Variants in PRDM13 observed in about 807,000 individuals in gnomAD.
PRDM13 encodes the protein PR/SET domain 13, also known as PR domain zinc finger protein 13.
PRDM13 carries 15 observed loss-of-function variants against 36.4 expected under a neutral mutation model. The observed-to-expected ratio is 0.41, with a 90% CI of 0.28 to 0.64. The LOEUF is 0.64. Among genes scored for constraint, PRDM13 ranks in the 30% least tolerant of loss-of-function variants. PRDM13 has a pLI of 0.29. For synonymous variants in PRDM13, 531 were observed against 467.7 expected, an observed-to-expected ratio of 1.14 and a Z score of -1.75; for missense variants, 1,044 against 1,013.5, an observed-to-expected ratio of 1.03 and a Z score of -0.41.
In PRDM13 at chr6:99,614,558, C is replaced by A. The variant is rs1770100486; in HGVS notation, c.1923C>A (p.Arg641=). Residue 641 remains arginine, a synonymous_variant, in exon 4 of 4, where the codon CGC becomes CGA. Coordinates refer to ENST00000369215, the MANE Select transcript of PRDM13 (RefSeq NM_021620.4). ...RCEFCGKVLV[R]RRDLERHVKS... is the part of the protein sequence containing the mutation. ...AGTTCTGCGGCAAGGTACTTGTGCG[C>A]CGCCGGGACCTGGAGCGACATGTCA... The A allele has an allele frequency of 1.1e-5, 18 of 1,612,846 alleles. No homozygotes were observed. The highest frequency in any genetic ancestry group is 1.5e-5 in the Non-Finnish European group (18 of 1,179,894).
chr6:99,614,728 A>C lies in PRDM13; in HGVS notation c.2093A>C (p.Glu698Ala). 1 of 1,584,760 alleles carries C rather than the reference A, an allele frequency of 6.3e-7. No homozygotes were observed. Among genetic ancestry groups the C allele is most frequent in the Middle Eastern group, 1.7e-4 (1 of 5,898 alleles). ...TTCACAGACGACCAGAGCGACCCCG[A>C]GGTTGGGGGCGGCGGGGAGCGCGAC... ...VCFTDDQSDP[E>A]VGGGGERDL Residue 698 changes from glutamate (E) to alanine (A), a missense_variant, in exon 4 of 4, where the codon GAG (glutamate) becomes GCG (alanine). Glu to Ala is a moderately radical substitution (Grantham distance 107, BLOSUM62 -1). This residue lies in a region of PRDM13 where 115 missense variants were observed against 122.1 expected (regional missense o/e 0.94). Coordinates refer to ENST00000369215, the MANE Select transcript of PRDM13 (RefSeq NM_021620.4).
In PRDM13 at chr6:99,613,876, C is replaced by A; in HGVS notation, c.1241C>A (p.Ala414Glu). The A allele has an allele frequency of 6.6e-7, 1 of 1,526,036 alleles. No individual in the cohort carries two copies. Among genetic ancestry groups the A allele is most frequent in the Non-Finnish European group, 8.7e-7 (1 of 1,144,670 alleles). The allele number at this position is 1,526,036 out of a possible 1,614,324, so 94.5% of individuals were successfully genotyped here. A position where few individuals can be genotyped will look rare whatever the true frequency, so the allele number is the denominator to read the frequency against. The change falls in exon 4 of 4, where the codon GCG becomes GAG. Residue 414 changes from alanine to glutamate, a missense_variant. Coordinates refer to ENST00000369215, the MANE Select transcript of PRDM13 (RefSeq NM_021620.4). The surrounding 1 kb of genome is among the most constrained non-coding windows in gnomAD (Gnocchi z 6.1). ...HVERAPPAAAALPGARYAQLP... is the reference protein window; with the variant it reads ...HVERAPPAAAELPGARYAQLP... ...GAGCGCGCCCCGCCCGCAGCCGCCGCGCTGCCAGGAGCGCGTTATGCGCAG... is the reference window on the plus strand; with the variant it reads ...GAGCGCGCCCCGCCCGCAGCCGCCGAGCTGCCAGGAGCGCGTTATGCGCAG...
rs747566632 is a variant in PRDM13, at chr6:99,614,791, C to T, written c.*32C>T. ...TTCCCGGGAAGGGGCGGGGTGAGGA[C>T]AGAGAGGAGTCGAGGGTTTATTCTC... On this transcript the variant is annotated 3_prime_UTR_variant, in exon 4 of 4. Transcript: ENST00000369215. 2.9e-5 allele frequency: 44 copies of T among 1,533,132 alleles called. No individual in the cohort carries two copies. Among genetic ancestry groups the T allele is most frequent in the Non-Finnish European group, 3.7e-5 (42 of 1,143,162 alleles). 95.0% of individuals were successfully genotyped at this position (1,533,132 alleles called of 1,614,324 possible). A position where few individuals can be genotyped will look rare whatever the true frequency, so the allele number is the denominator to read the frequency against.
At chr6:99,611,190 ATCC>A (rs1348944510) in intron 3 of PRDM13, among the ~76,000 whole-genome samples, 1 of 152,210 alleles carries the variant, frequency 6.6e-6, no homozygotes, top group Non-Finnish European at 1.5e-5. Flanking sequence ...GATGGCTGCT[ATCC>A]TCCTAATACT....
chr6:99,609,345 C>T (rs1583614357), intron 3 of PRDM13, 38 bp downstream of exon 3: 1 of 1,604,618 alleles, frequency 6.2e-7, no homozygotes, highest in Non-Finnish European at 8.5e-7. Flanking sequence ...AAAAGTCCAG[C>T]CCTCCTCCTC....
At chr6:99,609,962 G>C (rs1770009386) in intron 3 of PRDM13, among the ~76,000 whole-genome samples, 1 of 152,154 alleles carries the variant, frequency 6.6e-6, no homozygotes, top group South Asian at 2.1e-4. Flanking sequence ...GAGTTCCACA[G>C]AGTATAACTC....
rs1370488589 is a variant in PRDM13, at chr6:99,615,319, T to C, written c.*560T>C. Reference sequence around the variant, plus strand: ...ACTACTCCTTGCCCCATTGAATATATAGTGGTAGCAGGTGTACAAATTGGT... The same window carrying C: ...ACTACTCCTTGCCCCATTGAATATACAGTGGTAGCAGGTGTACAAATTGGT... On this transcript the variant is annotated 3_prime_UTR_variant, in exon 4 of 4. Coordinates refer to ENST00000369215, the MANE Select transcript of PRDM13 (RefSeq NM_021620.4). The C allele has an allele frequency of 2.0e-5, 3 of 153,554 alleles. No homozygotes were observed. The highest frequency in any genetic ancestry group is 4.1e-4 in the South Asian group (2 of 4,844). 9.5% of individuals were successfully genotyped at this position (153,554 alleles called of 1,614,324 possible). A position where few individuals can be genotyped will look rare whatever the true frequency, so the allele number is the denominator to read the frequency against.
rs1770085466 is a variant in PRDM13 at position 99,613,991 on chromosome 6, C to T, written c.1356C>T (p.Cys452=). The change falls in exon 4 of 4, where the codon TGC becomes TGT. Residue 452 remains cysteine (C), a synonymous_variant. Coordinates refer to ENST00000369215, the MANE Select transcript of PRDM13 (RefSeq NM_021620.4). This position sits in a 1 kb window ranked among gnomAD's most constrained non-coding sequence, Gnocchi z 6.1. The part of the protein sequence containing the change: ...GGLKAYPGGE[C]SHLPAVMPAF... ...TCAAAGCCTATCCGGGTGGTGAGTG[C>T]AGCCACCTGCCCGCCGTCATGCCGG... 2.5e-6 allele frequency: 4 copies of T among 1,609,240 alleles called. No individual in the cohort carries two copies. The highest frequency in any genetic ancestry group is 2.2e-5 in the East Asian group (1 of 44,516).
chr6:99,614,352 C>T lies in PRDM13; in HGVS notation c.1717C>T (p.His573Tyr). 1 of 1,612,448 alleles carries T rather than the reference C, an allele frequency of 6.2e-7. No homozygotes were observed. The highest frequency in any genetic ancestry group is 1.1e-5 in the South Asian group (1 of 90,990). Residue 573 changes from histidine (H) to tyrosine (Y), a missense_variant, in exon 4 of 4, where the codon CAC (histidine) becomes TAC (tyrosine). Transcript: ENST00000369215. ...CGGCGCAGGTAAGCCCAAGACCGGC[C>T]ACCTGTGCCTCTACTGTGGCAAGCT... ...GSGAGKPKTG[H>Y]LCLYCGKLYS... is the part of the protein sequence containing the mutation.
chr6:99,608,946 C>T (rs1769993351), intron 2 of PRDM13, 74 bp downstream of exon 2: 1 of 1,535,262 alleles, frequency 6.5e-7, no homozygotes, highest in Middle Eastern at 1.8e-4. Flanking sequence ...CCTGCGGTGG[C>T]CAAAAATATT....
intron 3 of PRDM13, among the ~76,000 whole-genome samples, chr6:99,611,458 A>G (rs1355052587): frequency 6.6e-6 from 1 of 152,146 alleles, no homozygotes; most frequent in Admixed American, 6.5e-5. Flanking sequence ...TTTTACATGA[A>G]TGTTCAGTAC....
rs772039190 is a variant in PRDM13 at position 99,614,549 on chromosome 6, A to G, written c.1914A>G (p.Val638=). The change falls in exon 4 of 4, where the codon GTA becomes GTG. Residue 638 remains valine (V), a synonymous_variant. Coordinates refer to ENST00000369215, the MANE Select transcript of PRDM13 (RefSeq NM_021620.4). ...ACCGCTGCGAGTTCTGCGGCAAGGT[A>G]CTTGTGCGCCGCCGGGACCTGGAGC... The part of the protein sequence containing the change: ...TPYRCEFCGK[V]LVRRRDLERH... The G allele has an allele frequency of 1.2e-6, 2 of 1,612,966 alleles. No homozygotes were observed. The highest frequency in any genetic ancestry group is 1.7e-6 in the Non-Finnish European group (2 of 1,179,938).
chr6:99,611,568 C>T (rs866462734), intron 3 of PRDM13, among the ~76,000 whole-genome samples: 16 of 152,270 alleles, frequency 1.1e-4, no homozygotes, highest in Admixed American at 2.0e-4. Context: ...TCTTTCTGCT[C>T]TCCTTGGACT....
Position 99,614,212 on chromosome 6 carries a change from A to G in PRDM13, c.1577A>G (p.Asn526Ser), listed in dbSNP as rs1207533988. Reference sequence around the variant, plus strand: ...ATCGACCGAGAGATCGCCATGCACAATCAGCAGCTGTCCGAGATGGCTGCC... The same window carrying G: ...ATCGACCGAGAGATCGCCATGCACAGTCAGCAGCTGTCCGAGATGGCTGCC... ...ASIDREIAMH[N>S]QQLSEMAAGK... is the part of the protein sequence containing the mutation. The change falls in exon 4 of 4, where the codon AAT becomes AGT. Residue 526 changes from asparagine to serine, a missense_variant. Coordinates refer to ENST00000369215, the MANE Select transcript of PRDM13 (RefSeq NM_021620.4). 1.2e-6 allele frequency: 2 copies of G among 1,608,478 alleles called. No individual in the cohort carries two copies. The highest frequency in any genetic ancestry group is 1.7e-6 in the Non-Finnish European group (2 of 1,179,006).
chr6:99,607,735 G>A (rs1315326513), intron 1 of PRDM13, among the ~76,000 whole-genome samples: 1 of 152,188 alleles, frequency 6.6e-6, no homozygotes, highest in African/African-American at 2.4e-5. Context: ...TGCGGCATAT[G>A]GAGAGAGGAT....
Position 99,606,943 on chromosome 6 carries a change from G to C in PRDM13, c.-92G>C. ...GGCGGAGGACGCACGTCGGGGCGCGGCTCTCTGGCTAGCGCGCAGCTCCAG... is the reference window on the plus strand; with the variant it reads ...GGCGGAGGACGCACGTCGGGGCGCGCCTCTCTGGCTAGCGCGCAGCTCCAG... On this transcript the variant is annotated 5_prime_UTR_variant, in exon 1 of 4. Coordinates refer to ENST00000369215, the MANE Select transcript of PRDM13 (RefSeq NM_021620.4). 1 of 1,417,922 alleles carries C rather than the reference G, an allele frequency of 7.1e-7. No homozygotes were observed. Among genetic ancestry groups the C allele is most frequent in the Non-Finnish European group, 9.2e-7 (1 of 1,083,530 alleles). 87.8% of individuals were successfully genotyped at this position (1,417,922 alleles called of 1,614,324 possible).
At position 99,614,909 on chromosome 6, in the gene PRDM13, G is replaced by C. The variant is rs1562509536; in HGVS notation, c.*150G>C. 20 of 1,037,560 alleles carry C rather than the reference G, an allele frequency of 1.9e-5. No homozygotes were observed. The highest frequency in any genetic ancestry group is 2.7e-5 in the Non-Finnish European group (20 of 738,580). The allele number at this position is 1,037,560 out of a possible 1,614,324, so 64.3% of individuals were successfully genotyped here. A position where few individuals can be genotyped will look rare whatever the true frequency, so the allele number is the denominator to read the frequency against. On this transcript the variant is annotated 3_prime_UTR_variant, in exon 4 of 4. Transcript: ENST00000369215. ...GGCGCCAGATTTGAAACAGTGAGAG[G>C]TCCCACATCTGGTGCTGAAACTCAG... is the stretch of plus-strand genomic sequence containing the variant.
At position 99,607,097 on chromosome 6, in the gene PRDM13, C is replaced by T. The variant is rs1389520545; in HGVS notation, c.63C>T (p.Gly21=). The T allele has an allele frequency of 1.2e-6, 2 of 1,613,730 alleles. No individual in the cohort carries two copies. The highest frequency in any genetic ancestry group is 1.1e-5 in the South Asian group (1 of 91,084). The part of the protein sequence containing the change: ...SVSADCCIPA[G]LRLGPVPGTF... ...GTGCCGACTGCTGCATCCCGGCCGG[C>T]TTGCGCCTCGGACCGGTGCCTGGTA... Residue 21 remains glycine (G), a synonymous_variant, in exon 1 of 4, where the codon GGC becomes GGT. Transcript: ENST00000369215.
chr6:99,612,390 G>A (rs575433812), intron 3 of PRDM13, among the ~76,000 whole-genome samples: 27 of 152,272 alleles, frequency 1.8e-4, no homozygotes, highest in African/African-American at 6.0e-4. Flanking sequence ...TAATTTTGAA[G>A]AATGGCAAAT....
Sources: allele counts gnomAD v4.1 joint callset (sites outside exome capture counted in the v4.1 genomes callset), GRCh38; gene constraint gnomAD v4.1.1; regional missense constraint gnomAD v4.1.1; non-coding constraint Gnocchi (gnomAD v3.1); transcripts MANE v1.5; gene names NCBI Gene and HGNC (gene_info 2026-07-23, HGNC 2026-07-21).